GRID2: variants seen among roughly 807,000 people sequenced by gnomAD.
The protein encoded by GRID2 is glutamate ionotropic receptor delta type subunit 2.
Under a neutral mutation model 114.8 loss-of-function variants are expected in GRID2, and 33 were observed. The observed-to-expected ratio is 0.29, with a 90% CI of 0.22 to 0.38. The LOEUF is 0.38. Ranked by LOEUF, GRID2 falls within the 10% of genes least tolerant of loss-of-function variation. The pLI, the probability that GRID2 is intolerant of heterozygous loss-of-function variation, is 1.00. For missense variants in GRID2, 1,184 were observed against 1,257.7 expected, an observed-to-expected ratio of 0.94 and a Z score of 0.89; for synonymous variants, 505 against 449.9, an observed-to-expected ratio of 1.12 and a Z score of -1.55.
chr4:92,401,172 C>A (rs546470612), intron 1 of GRID2, among the ~76,000 whole-genome samples: 1 of 152,098 alleles, frequency 6.6e-6, no homozygotes, highest in Non-Finnish European at 1.5e-5. Context: ...AATCCAAGGT[C>A]ACAAGGTCAG....
At position 93,455,921 on chromosome 4, in the gene GRID2, C is replaced by G; in HGVS notation, c.1805C>G (p.Ser602Cys). 6.2e-7 allele frequency: 1 copy of G among 1,611,344 alleles called. No individual in the cohort carries two copies. Among genetic ancestry groups the G allele is most frequent in the Non-Finnish European group, 8.5e-7 (1 of 1,177,570 alleles). The change falls in exon 11 of 16, where the codon TCT becomes TGT. Residue 602 changes from serine (S) to cysteine (C), a missense_variant. Around this residue, in one of 3 missense-constraint regions of GRID2, gnomAD observed 717 missense variants for 796.9 expected, o/e 0.90. Transcript: ENST00000282020. ...CGATTACAAATGGGATCAATGACGTCTACTACTCTCTACAACTCCATGTGG... is the reference window on the plus strand; with the variant it reads ...CGATTACAAATGGGATCAATGACGTGTACTACTCTCTACAACTCCATGTGG... ...PPRLQMGSMT[S>C]TTLYNSMWFV...
At chr4:93,040,719 A>C (rs1725431564) in intron 2 of GRID2, among the ~76,000 whole-genome samples, 1 of 152,156 alleles carries the variant, frequency 6.6e-6, no homozygotes. Context: ...TGAAATGCCC[A>C]ATACTTTTGA....
chr4:93,705,770 TAG>T (rs1727945920), intron 14 of GRID2, among the ~76,000 whole-genome samples: 1 of 152,192 alleles, frequency 6.6e-6, no homozygotes, highest in Admixed American at 6.5e-5. Context: ...ACCAATGTTA[TAG>T]AGTTTTTCCA....
intron 13 of GRID2, among the ~76,000 whole-genome samples, chr4:93,569,715 C>T (rs1735753378): frequency 6.6e-6 from 1 of 152,146 alleles, no homozygotes; most frequent in South Asian, 2.1e-4. Flanking sequence ...TGCCCATTTT[C>T]CTTCAGCCGC....
chr4:93,610,855 T>C (rs923080916), intron 13 of GRID2, among the ~76,000 whole-genome samples: 8 of 134,342 alleles, frequency 6.0e-5, no homozygotes, highest in Non-Finnish European at 1.2e-4. Flanking sequence ...GATTCCCTCT[T>C]TTTCTATTGA....
chr4:92,883,946 A>C (rs1343987038), intron 2 of GRID2, among the ~76,000 whole-genome samples: 3 of 152,220 alleles, frequency 2.0e-5, no homozygotes, highest in Non-Finnish European at 4.4e-5. Flanking sequence ...ATTAGTCCCT[A>C]ATAAGAGAGT....
chr4:93,219,213 G>T (rs2149486133), intron 6 of GRID2, among the ~76,000 whole-genome samples: 1 of 152,276 alleles, frequency 6.6e-6, no homozygotes, highest in South Asian at 2.1e-4. Context: ...TTTGTTAAAA[G>T]AAGTATCAGG....
chr4:93,224,748 G>A lies in GRID2; in HGVS notation c.1098G>A (p.Gly366=), dbSNP rs148758653. 2.5e-6 allele frequency: 4 copies of A among 1,612,894 alleles called. No individual in the cohort carries two copies. In the African/African-American group the frequency reaches 5.3e-5, roughly 22 times the overall value. Residue 366 remains glycine (G), a synonymous_variant, in exon 7 of 16, where the codon GGG becomes GGA. Transcript: ENST00000282020. ...AGAACTCAAAGCCCTGGCAGGGTGG[G>A]CGCTCCATGTTGGAGACCATCAAGA... ...IRKNSKPWQG[G]RSMLETIKKG...
chr4:93,149,737 G>T (rs1235750483), intron 4 of GRID2, among the ~76,000 whole-genome samples: 1 of 151,952 alleles, frequency 6.6e-6, no homozygotes, highest in Non-Finnish European at 1.5e-5. Flanking sequence ...AGGCTCAAAT[G>T]ATTCTCCTGC....
intron 8 of GRID2, among the ~76,000 whole-genome samples, chr4:93,266,580 T>A (rs1192382371): frequency 3.3e-5 from 5 of 151,916 alleles, no homozygotes; most frequent in Non-Finnish European, 7.4e-5. Context: ...AATGAACATG[T>A]CACTTGTATT....
chr4:92,495,334 G>A (rs189674407), intron 1 of GRID2, among the ~76,000 whole-genome samples: 1 of 151,962 alleles, frequency 6.6e-6, no homozygotes, highest in Non-Finnish European at 1.5e-5. Context: ...TCGCTATGGG[G>A]GAATACTCAA....
chr4:92,337,778 A>G (rs1727265051), intron 1 of GRID2, among the ~76,000 whole-genome samples: 1 of 152,196 alleles, frequency 6.6e-6, no homozygotes. Flanking sequence ...GGGTGGGGAC[A>G]CAAAGCCTAA....
intron 13 of GRID2, among the ~76,000 whole-genome samples, chr4:93,537,821 C>T (rs965409555): frequency 2.6e-5 from 4 of 151,636 alleles, no homozygotes; most frequent in African/African-American, 9.7e-5. Flanking sequence ...AATATTTCCC[C>T]CTTTGTTACA....
chr4:92,493,547 T>C (rs1243357346), intron 1 of GRID2, among the ~76,000 whole-genome samples: 1 of 152,156 alleles, frequency 6.6e-6, no homozygotes, highest in African/African-American at 2.4e-5. Flanking sequence ...TGCAGCAGCT[T>C]AGAGGTGTGT....
At chr4:92,663,819 G>T (rs1376460525) in intron 2 of GRID2, among the ~76,000 whole-genome samples, 1 of 150,904 alleles carries the variant, frequency 6.6e-6, no homozygotes, top group Non-Finnish European at 1.5e-5. Context: ...GCAGCACCTG[G>T]CAACTGGCAT....
intron 2 of GRID2, among the ~76,000 whole-genome samples, chr4:92,661,599 T>C (rs181168633): frequency 2.6e-4 from 40 of 151,040 alleles, no homozygotes; most frequent in African/African-American, 8.9e-4. Context: ...AATTCCCAAA[T>C]ATATATTTGC....
intron 2 of GRID2, among the ~76,000 whole-genome samples, chr4:92,877,203 G>C (rs1392327404): frequency 1.3e-5 from 2 of 152,178 alleles, no homozygotes; most frequent in African/African-American, 4.8e-5. Flanking sequence ...CTTATTCCTT[G>C]TTGAATCAAG....
chr4:92,786,874 T>G (rs1739349084), intron 2 of GRID2, among the ~76,000 whole-genome samples: 1 of 151,882 alleles, frequency 6.6e-6, no homozygotes, highest in Non-Finnish European at 1.5e-5. Context: ...TTAAATAGAT[T>G]TTAATCAGAC....
chr4:93,548,953 A>T (rs1206196058), intron 13 of GRID2, among the ~76,000 whole-genome samples: 2 of 152,188 alleles, frequency 1.3e-5, no homozygotes, highest in Non-Finnish European at 2.9e-5. Flanking sequence ...TAAAAAAAAA[A>T]ATACACATTT....
Sources: allele counts gnomAD v4.1 joint callset (sites outside exome capture counted in the v4.1 genomes callset), GRCh38; gene constraint gnomAD v4.1.1; regional missense constraint gnomAD v4.1.1; transcripts MANE v1.5; gene names NCBI Gene and HGNC (gene_info 2026-07-23, HGNC 2026-07-21).